The following EFHD1 variants were observed in gnomAD, a reference collection of about 807,000 sequenced individuals.
EFHD1 encodes EF-hand domain family member D1.
Under a neutral mutation model 17.2 loss-of-function variants are expected in EFHD1, and 10 were observed. The observed-to-expected ratio is 0.58, with a 90% confidence interval of 0.36 to 0.99. The LOEUF (loss-of-function observed/expected upper bound fraction) is 0.99. Ranked by LOEUF, EFHD1 falls within the 50% of genes least tolerant of loss-of-function variation. The probability of loss-of-function intolerance (pLI) is 0.01; values close to 1 mark genes in which losing one functional copy is unlikely to be tolerated. For missense variants in EFHD1, 310 were observed against 327.5 expected (o/e 0.95, Z 0.41); for synonymous variants, 153 against 142.0 (o/e 1.08, Z -0.55).
Position 232,662,866 on chromosome 2 carries a change from G to C in EFHD1, c.367G>C (p.Gly123Arg). 3.8e-6 allele frequency: 6 copies of C among 1,594,624 alleles called. No individual in the cohort carries two copies. Among genetic ancestry groups the C allele is most frequent in the Non-Finnish European group, 5.1e-6 (6 of 1,172,014 alleles). Residue 123 changes from glycine to arginine, a missense_variant, in exon 2 of 4, where the codon GGG (glycine) becomes CGG (arginine). Coordinates refer to ENST00000264059, the MANE Select transcript of EFHD1 (RefSeq NM_025202.4). ...MELKLMMEKLGAPQTHLGLKS... is the reference protein window; with the variant it reads ...MELKLMMEKLRAPQTHLGLKS... ...GCTGAAGCTGATGATGGAGAAGCTG[G>C]GGGCCCCCCAGACCCACCTGGGCCT...
intron 1 of EFHD1, among the ~76,000 whole-genome samples, chr2:232,660,977 CA>C: frequency 6.6e-6 from 1 of 151,858 alleles, no homozygotes; most frequent in South Asian, 2.1e-4. Flanking sequence ...GACTCCGTCT[CA>C]AAAACAAAAC....
chr2:232,638,367 A>G (rs1227011198), intron 1 of EFHD1: 1 of 471,198 alleles, frequency 2.1e-6, no homozygotes, highest in South Asian at 1.5e-5. Flanking sequence ...GGGTGGGAAG[A>G]GGAACATTTG....
chr2:232,651,204 T>C (rs1011682843), intron 1 of EFHD1, among the ~76,000 whole-genome samples: 64 of 152,240 alleles, frequency 4.2e-4, no homozygotes, highest in African/African-American at 1.2e-3. Flanking sequence ...GGCCTCCCAC[T>C]TTCAGGAGCT....
intron 1 of EFHD1, among the ~76,000 whole-genome samples, chr2:232,615,466 C>T (rs1477722672): frequency 5.3e-5 from 8 of 152,012 alleles, no homozygotes; most frequent in Non-Finnish European, 8.8e-5. Context: ...GTGCTCACCT[C>T]GACCTTCTGC....
intron 1 of EFHD1, among the ~76,000 whole-genome samples, chr2:232,635,046 G>A (rs1187068629): frequency 7.2e-5 from 11 of 152,224 alleles, no homozygotes; most frequent in Admixed American, 6.5e-4. Context: ...TTGCAGAGCC[G>A]GCACTTGGGA....
intron 1 of EFHD1, among the ~76,000 whole-genome samples, chr2:232,609,590 C>T (rs188632477): frequency 2.4e-3 from 368 of 152,194 alleles, no homozygotes; most frequent in African/African-American, 8.5e-3. Flanking sequence ...GGATATCTGT[C>T]TTGACCAGAG....
chr2:232,653,472 G>A (rs774615683), intron 1 of EFHD1, among the ~76,000 whole-genome samples: 44 of 151,492 alleles, frequency 2.9e-4, no homozygotes, highest in Non-Finnish European at 2.4e-4. Context: ...TGTATTTTTC[G>A]TAGAGATGGG....
intron 3 of EFHD1, among the ~76,000 whole-genome samples, chr2:232,677,860 A>G (rs1462039137): frequency 6.6e-6 from 1 of 152,236 alleles, no homozygotes; most frequent in African/African-American, 2.4e-5. Flanking sequence ...AAAAGATAAT[A>G]TCATATTCAT....
At chr2:232,650,561 T>TGAGATTGCAGGCG (rs1491340615) in intron 1 of EFHD1, among the ~76,000 whole-genome samples, 26 of 72,794 alleles carry the variant, frequency 3.6e-4, no homozygotes, top group East Asian at 1.4e-3. Flanking sequence ...CCCAAAGTGC[T>TGAGATTGCAGGCG]TTTTTTTTTT....
intron 1 of EFHD1, among the ~76,000 whole-genome samples, chr2:232,635,958 G>A (rs996983336): frequency 1.1e-4 from 17 of 152,142 alleles, no homozygotes; most frequent in African/African-American, 4.1e-4. Context: ...TAAACAAAAC[G>A]AGAATAATTT....
chr2:232,657,046 C>T (rs1364000510), intron 1 of EFHD1, among the ~76,000 whole-genome samples: 1 of 152,226 alleles, frequency 6.6e-6, no homozygotes, highest in Non-Finnish European at 1.5e-5. Flanking sequence ...TGCCAGAGTG[C>T]TGGGATAACA....
At chr2:232,647,969 G>A (rs1275913495) in intron 1 of EFHD1, among the ~76,000 whole-genome samples, 3 of 152,172 alleles carry the variant, frequency 2.0e-5, no homozygotes, top group Non-Finnish European at 4.4e-5. Context: ...ACCTGGCAAG[G>A]TGGCTCACTC....
chr2:232,675,203 A>AAAGGAAGGAAGGAAGG (rs199527017), intron 3 of EFHD1, among the ~76,000 whole-genome samples: 2 of 149,246 alleles, frequency 1.3e-5, no homozygotes, highest in African/African-American at 5.0e-5. Flanking sequence ...GAGAGAAAAG[A>AAAGGAAGGAAGGAAGG]AAGGAAGGAA....
chr2:232,606,979 T>C (rs1693725940), intron 1 of EFHD1, among the ~76,000 whole-genome samples: 1 of 151,562 alleles, frequency 6.6e-6, no homozygotes, highest in African/African-American at 2.4e-5. Context: ...TGGAGACACA[T>C]CATAACTTTT....
chr2:232,609,372 G>A (rs951371706), intron 1 of EFHD1, among the ~76,000 whole-genome samples: 2 of 152,136 alleles, frequency 1.3e-5, no homozygotes, highest in African/African-American at 4.8e-5. Flanking sequence ...AGATGCATGA[G>A]TTCTTAAAGT....
intron 1 of EFHD1, among the ~76,000 whole-genome samples, chr2:232,613,124 T>A (rs917566854): frequency 2.0e-5 from 3 of 151,750 alleles, no homozygotes; most frequent in Non-Finnish European, 2.9e-5. Flanking sequence ...CCAAAAAATA[T>A]ATGAAAGCAT....
intron 1 of EFHD1, among the ~76,000 whole-genome samples, chr2:232,662,531 AG>A (rs1694891874): frequency 6.6e-6 from 1 of 152,128 alleles, no homozygotes; most frequent in Non-Finnish European, 1.5e-5. Flanking sequence ...AGGTAAACAA[AG>A]CATGTTTCTC....
chr2:232,669,999 G>A (rs1254362048), intron 2 of EFHD1, among the ~76,000 whole-genome samples: 1 of 152,184 alleles, frequency 6.6e-6, no homozygotes, highest in Non-Finnish European at 1.5e-5. Flanking sequence ...AAAACCTGGA[G>A]AGAGCCTCTT....
chr2:232,680,349 G>C (rs1462555819), intron 3 of EFHD1, among the ~76,000 whole-genome samples: 1 of 141,928 alleles, frequency 7.0e-6, no homozygotes, highest in Admixed American at 7.2e-5. Context: ...ATCAGTTCTA[G>C]AATAGAGGAT....
Sources: allele counts gnomAD v4.1 joint callset (sites outside exome capture counted in the v4.1 genomes callset), GRCh38; gene constraint gnomAD v4.1.1; transcripts MANE v1.5; gene names NCBI Gene and HGNC (gene_info 2026-07-23, HGNC 2026-07-21).